The following LRFN5 variants were observed in gnomAD, a reference collection of about 807,000 sequenced individuals.
LRFN5 encodes leucine-rich repeat and fibronectin type-III domain-containing protein 5.
In LRFN5, 24 loss-of-function variants were observed where a neutral mutation model predicts 45.6. The ratio of observed to expected loss-of-function variants is 0.53; its 90% CI spans 0.38 to 0.74. The LOEUF (loss-of-function observed/expected upper bound fraction) is 0.74. Among genes scored for constraint, LRFN5 ranks in the 30% least tolerant of loss-of-function variants. LRFN5 has a pLI of 0.00. For synonymous variants in LRFN5, 340 were observed against 313.8 expected (o/e 1.08, Z -0.88); for missense variants, 776 against 861.5 (o/e 0.90, Z 1.24).
chr14:41,644,306 G>A (rs1315447401), intron 1 of LRFN5, among the ~76,000 whole-genome samples: 1 of 152,156 alleles, frequency 6.6e-6, no homozygotes, highest in African/African-American at 2.4e-5. Context: ...GATTCCAAGA[G>A]TTATAAATTG....
chr14:41,802,621 T>G lies in LRFN5; in HGVS notation c.-21+35592T>G, dbSNP rs573526412. ...ATAATTTAATAGGCTAGGATAAAAT[T>G]TTCTTAGCCCAGAGTTTTGTGGTCT... On this transcript the variant is annotated intron_variant, in intron 2 of 5. Coordinates refer to ENST00000298119, the MANE Select transcript of LRFN5 (RefSeq NM_152447.5). Among the ~76,000 whole-genome samples, 15 of 152,272 alleles carry G rather than the reference T, an allele frequency of 9.9e-5. No individual in the cohort carries two copies. In the South Asian group the frequency reaches 2.9e-3, roughly 29 times the overall value.
At chr14:41,795,774 C>T (rs1185591519) in intron 2 of LRFN5, among the ~76,000 whole-genome samples, 6 of 145,822 alleles carry the variant, frequency 4.1e-5, no homozygotes, top group Middle Eastern at 3.5e-3. Context: ...CAGGGCCTGT[C>T]GTAGGTTGGG....
chr14:41,671,513 G>A lies in LRFN5; in HGVS notation c.-197+62951G>A, dbSNP rs79620194. On this transcript the variant is annotated intron_variant, in intron 1 of 5. Coordinates refer to ENST00000298119, the MANE Select transcript of LRFN5 (RefSeq NM_152447.5). ...TGAACAATTCACCTCTTTTCAAAGT[G>A]GTTAATTAAATCTTAAAATATTACT... Among the ~76,000 whole-genome samples, 1,412 of 150,810 alleles carry A rather than the reference G, an allele frequency of 9.4e-3. 6 individuals carry two copies. The highest frequency in any genetic ancestry group is 0.02 in the East Asian group (103 of 5,110).
At chr14:41,888,140 T>G in intron 3 of LRFN5, 130 bp downstream of exon 3, 1 of 700,948 alleles carries the variant, frequency 1.4e-6, no homozygotes, top group Non-Finnish European at 2.3e-6. Flanking sequence ...GTGCATAGTG[T>G]AAGCTTTGAA....
At chr14:41,820,237 T>C (rs1031716113) in intron 2 of LRFN5, among the ~76,000 whole-genome samples, 1 of 152,052 alleles carries the variant, frequency 6.6e-6, no homozygotes, top group Non-Finnish European at 1.5e-5. Context: ...CTAGAATTTT[T>C]ATAGTTTCAG....
chr14:41,621,787 T>C (rs185911079), intron 1 of LRFN5, among the ~76,000 whole-genome samples: 1 of 152,114 alleles, frequency 6.6e-6, no homozygotes, highest in South Asian at 2.1e-4. Flanking sequence ...ATTTAAAAAG[T>C]TGAAAAATCA....
intron 2 of LRFN5, among the ~76,000 whole-genome samples, chr14:41,840,120 TAGAC>T (rs1215658264): frequency 3.9e-5 from 6 of 152,100 alleles, no homozygotes; most frequent in African/African-American, 1.4e-4. Context: ...TCATTCTTGT[TAGAC>T]AGAATTATCC....
intron 2 of LRFN5, among the ~76,000 whole-genome samples, chr14:41,873,409 GAGAGAGAGAC>G (rs773488252): frequency 0.015 from 1,720 of 113,372 alleles, 33 homozygotes; most frequent in African/African-American, 0.052. Context: ...AGGAGAAAGA[GAGAGAGAGAC>G]AGAGAGAGAG....
At chr14:41,729,248 C>T (rs936587034) in intron 1 of LRFN5, among the ~76,000 whole-genome samples, 1 of 152,060 alleles carries the variant, frequency 6.6e-6, no homozygotes, top group Admixed American at 6.6e-5. Context: ...AGTTATTGCC[C>T]AGTTTGTTCA....
chr14:41,813,995 T>C (rs1358264142), intron 2 of LRFN5, among the ~76,000 whole-genome samples: 1 of 152,220 alleles, frequency 6.6e-6, no homozygotes, highest in African/African-American at 2.4e-5. Flanking sequence ...CTTTGCCCGC[T>C]TTTTGATGGG....
rs1399324357 is a variant in LRFN5, at chr14:41,619,001, A to G, written c.-197+10439A>G. 2.0e-5 allele frequency among the ~76,000 whole-genome samples: 3 copies of G among 152,162 alleles called. No homozygotes were observed. The East Asian group carries it at 5.8e-4, about 29-fold the overall frequency. On this transcript the variant is annotated intron_variant, in intron 1 of 5. Coordinates refer to ENST00000298119, the MANE Select transcript of LRFN5 (RefSeq NM_152447.5). ...CTAATTTATAACGTAGTGACTTATC[A>G]TTGTATTAGAGAAGCTTCTCTGAAA...
At chr14:41,852,160 A>T (rs1889290173) in intron 2 of LRFN5, among the ~76,000 whole-genome samples, 1 of 151,882 alleles carries the variant, frequency 6.6e-6, no homozygotes, top group Non-Finnish European at 1.5e-5. Flanking sequence ...AAGATGTTAA[A>T]AAGAAAAAAG....
At chr14:41,621,744 G>A (rs758122046) in intron 1 of LRFN5, among the ~76,000 whole-genome samples, 1 of 152,080 alleles carries the variant, frequency 6.6e-6, no homozygotes, top group Non-Finnish European at 1.5e-5. Flanking sequence ...ACAACCAATC[G>A]CAGGATTATT....
At chr14:41,829,603 A>G (rs1888410297) in intron 2 of LRFN5, among the ~76,000 whole-genome samples, 1 of 151,432 alleles carries the variant, frequency 6.6e-6, no homozygotes, top group Non-Finnish European at 1.5e-5. Flanking sequence ...TAATCTGGTT[A>G]TTTTCTTAAT....
At chr14:41,792,425 A>G (rs1183187079) in intron 2 of LRFN5, among the ~76,000 whole-genome samples, 2 of 151,992 alleles carry the variant, frequency 1.3e-5, no homozygotes, top group Admixed American at 6.6e-5. Flanking sequence ...CCCCACCCTA[A>G]TAAGCCTGAG....
At chr14:41,615,123 C>T (rs1201827031) in intron 1 of LRFN5, among the ~76,000 whole-genome samples, 1 of 152,008 alleles carries the variant, frequency 6.6e-6, no homozygotes, top group Admixed American at 6.6e-5. Context: ...TGTAAGTTCT[C>T]CTGACATATA....
chr14:41,790,430 T>C (rs902674397), intron 2 of LRFN5, among the ~76,000 whole-genome samples: 1 of 151,820 alleles, frequency 6.6e-6, no homozygotes, highest in African/African-American at 2.4e-5. Flanking sequence ...TTGTTTTCTA[T>C]TCAATTTCAG....
intron 2 of LRFN5, among the ~76,000 whole-genome samples, chr14:41,824,426 G>C (rs1290533610): frequency 1.3e-5 from 2 of 152,118 alleles, no homozygotes; most frequent in Non-Finnish European, 2.9e-5. Flanking sequence ...GAGTTCCTTG[G>C]TTGTAGAAGC....
intron 1 of LRFN5, among the ~76,000 whole-genome samples, chr14:41,737,524 A>ATCTT (rs1305003893): frequency 1.3e-5 from 2 of 152,186 alleles, no homozygotes; most frequent in South Asian, 2.1e-4. Flanking sequence ...AGAGAAAGAA[A>ATCTT]TAAAGGGTAT....
Sources: allele counts gnomAD v4.1 joint callset (sites outside exome capture counted in the v4.1 genomes callset), GRCh38; gene constraint gnomAD v4.1.1; transcripts MANE v1.5; gene names NCBI Gene and HGNC (gene_info 2026-07-23, HGNC 2026-07-21).